Variants in FRAS1 observed in about 807,000 individuals in gnomAD.
FRAS1 encodes Fraser extracellular matrix complex subunit 1.
In FRAS1, 290 loss-of-function variants were observed where a neutral mutation model predicts 435.2. That is an observed-to-expected ratio of 0.67 (90% CI 0.61 to 0.73). The LOEUF is 0.73. FRAS1 is among the 30% of genes least tolerant of loss of function. The probability of loss-of-function intolerance (pLI) is 0.00; values close to 1 mark genes in which losing one functional copy is unlikely to be tolerated. For missense variants in FRAS1, 4,860 were observed against 5,001.5 expected (o/e 0.97, Z 0.85); for synonymous variants, 1,800 against 1,851.0 (o/e 0.97, Z 0.71).
At chr4:78,143,789 A>C (rs1234603461) in intron 2 of FRAS1, among the ~76,000 whole-genome samples, 2 of 151,490 alleles carry the variant, frequency 1.3e-5, no homozygotes, top group East Asian at 3.9e-4. Context: ...CTGTGGTCCC[A>C]GCTACTTGGG....
chr4:78,289,707 C>T (rs1413230116), intron 14 of FRAS1, among the ~76,000 whole-genome samples: 5 of 152,160 alleles, frequency 3.3e-5, no homozygotes, highest in Non-Finnish European at 5.9e-5. Context: ...TGGCCTTGTA[C>T]TTTGGTTCCT....
Position 78,386,552 on chromosome 4 carries a change from G to A in FRAS1, c.3649-823G>A, listed in dbSNP as rs1256680424. ...GGTGCTTGGGTAGTTTTAAAAGAAA[G>A]CCATTTGGATTAAAGAAAGCAGTGT... On this transcript the variant is annotated intron_variant, in intron 28 of 73. Transcript: ENST00000512123. 3.9e-5 allele frequency among the ~76,000 whole-genome samples: 6 copies of A among 152,282 alleles called. No homozygotes were observed. The East Asian group carries it at 1.2e-3, about 29-fold the overall frequency.
intron 47 of FRAS1, among the ~76,000 whole-genome samples, chr4:78,458,582 A>T (rs1326480294): frequency 6.6e-6 from 1 of 152,080 alleles, no homozygotes; most frequent in Non-Finnish European, 1.5e-5. Context: ...AGGCTGAAAA[A>T]CTTACTATTG....
intron 2 of FRAS1, among the ~76,000 whole-genome samples, chr4:78,127,634 T>TACAA (rs143852196): frequency 1.5e-3 from 225 of 151,548 alleles, no homozygotes; most frequent in Middle Eastern, 3.4e-3. Flanking sequence ...TGATACCATT[T>TACAA]ACAAACAAAC....
rs371878129 is a variant in FRAS1 at position 78,451,756 on chromosome 4, T to G, written c.6464-16T>G. ...AAGCACTAATAGCAAATCTTGATTT[T>G]TTTTCCTTTTTATAGGCCACGTAGA... On this transcript the variant is annotated splice_polypyrimidine_tract_variant and intron_variant, in intron 45 of 73. Transcript: ENST00000512123. 7 of 1,575,228 alleles carry G rather than the reference T, an allele frequency of 4.4e-6. No homozygotes were observed. In the African/African-American group the frequency reaches 8.2e-5, roughly 19 times the overall value.
rs1720258141 is a variant in FRAS1 at position 78,488,975 on chromosome 4, A to C, written c.8853A>C (p.Ser2951=). Residue 2951 remains serine (S), a synonymous_variant, in exon 59 of 74, where the codon TCA becomes TCC. Transcript: ENST00000512123. The part of the protein sequence containing the change: ...ITRSGDLSYE[S]SVRCYTQSHS... Reference sequence around the variant, plus strand: ...GGAGCGGAGACCTGAGCTATGAGTCATCAGTGAGGTGCTATACTCAGAGCC... The same window carrying C: ...GGAGCGGAGACCTGAGCTATGAGTCCTCAGTGAGGTGCTATACTCAGAGCC... 1 of 1,613,758 alleles carries C rather than the reference A, an allele frequency of 6.2e-7. No individual in the cohort carries two copies. Among genetic ancestry groups the C allele is most frequent in the African/African-American group, 1.3e-5 (1 of 75,038 alleles).
chr4:78,136,773 G>C (rs953566851), intron 2 of FRAS1, among the ~76,000 whole-genome samples: 1 of 152,166 alleles, frequency 6.6e-6, no homozygotes, highest in Non-Finnish European at 1.5e-5. Context: ...GTTCCCACAG[G>C]ACTTCTTAGA....
In FRAS1 at chr4:78,414,111, A is replaced by G. The variant is rs577683246; in HGVS notation, c.4425+1026A>G. ...CAGAGACATAAAGGGGAAAATAGAA[A>G]GTTTTTAATGAATAGCTGGTATCGG... On this transcript the variant is annotated intron_variant, in intron 32 of 73. Transcript: ENST00000512123. Among the ~76,000 whole-genome samples, 15 of 152,350 alleles carry G rather than the reference A, an allele frequency of 9.8e-5. No individual in the cohort carries two copies. The East Asian group carries it at 2.3e-3, about 24-fold the overall frequency.
chr4:78,530,777 C>A (rs868100277), intron 70 of FRAS1, among the ~76,000 whole-genome samples: 9 of 152,246 alleles, frequency 5.9e-5, no homozygotes, highest in Middle Eastern at 3.4e-3. Context: ...TAGCATGATG[C>A]CTTCAGCTTT....
At chr4:78,113,778 T>G (rs1742919983) in intron 2 of FRAS1, among the ~76,000 whole-genome samples, 1 of 152,236 alleles carries the variant, frequency 6.6e-6, no homozygotes, top group Non-Finnish European at 1.5e-5. Flanking sequence ...TTCTGTAGGT[T>G]GCCTGGTCTC....
intron 55 of FRAS1, among the ~76,000 whole-genome samples, chr4:78,478,535 C>CT (rs1385209304): frequency 1.6e-4 from 25 of 151,994 alleles, no homozygotes; most frequent in Middle Eastern, 3.2e-3. Context: ...AAGGGCAATT[C>CT]TTTTTTTGTT....
At chr4:78,514,209 G>A (rs919862990) in intron 65 of FRAS1, among the ~76,000 whole-genome samples, 1 of 152,242 alleles carries the variant, frequency 6.6e-6, no homozygotes, top group Non-Finnish European at 1.5e-5. Flanking sequence ...ACCTAGCTAA[G>A]TCACTGGATG....
chr4:78,337,922 A>T, intron 20 of FRAS1, 105 bp downstream of exon 20: 1 of 1,077,248 alleles, frequency 9.3e-7, no homozygotes, highest in Non-Finnish European at 1.4e-6. Context: ...GAGCTCTTTT[A>T]TAGGAGACAT....
intron 22 of FRAS1, among the ~76,000 whole-genome samples, chr4:78,365,462 G>A (rs1158318941): frequency 6.6e-6 from 1 of 152,058 alleles, no homozygotes; most frequent in Non-Finnish European, 1.5e-5. Flanking sequence ...CACAGCAGTG[G>A]AATCACAGAA....
At chr4:78,255,170 A>C (rs1268164998) in intron 5 of FRAS1, 72 bp from the exon 6 acceptor site, 1 of 1,477,430 alleles carries the variant, frequency 6.8e-7, no homozygotes, top group Non-Finnish European at 9.2e-7. Flanking sequence ...CACTGGCTGC[A>C]CGCCCATGCA....
At chr4:78,501,595 G>A (rs60028211) in intron 61 of FRAS1, among the ~76,000 whole-genome samples, 49,846 of 151,796 alleles carry the variant, frequency 0.33, 8,870 homozygotes, top group South Asian at 0.52. Flanking sequence ...GCATAAAAGC[G>A]GTCCTATTTC....
intron 15 of FRAS1, among the ~76,000 whole-genome samples, chr4:78,311,642 G>A (rs1382471911): frequency 6.6e-6 from 1 of 152,214 alleles, no homozygotes; most frequent in Non-Finnish European, 1.5e-5. Context: ...ACCAAGTAGT[G>A]CCGGGTTACT....
At chr4:78,169,127 A>G (rs971765568) in intron 2 of FRAS1, among the ~76,000 whole-genome samples, 3 of 152,082 alleles carry the variant, frequency 2.0e-5, no homozygotes, top group African/African-American at 7.2e-5. Context: ...CCTTGAGTAC[A>G]ATTGACTTGA....
chr4:78,140,372 G>T (rs1321352838), intron 2 of FRAS1, among the ~76,000 whole-genome samples: 1 of 152,036 alleles, frequency 6.6e-6, no homozygotes, highest in African/African-American at 2.4e-5. Flanking sequence ...TCTTTCTGAA[G>T]TTGCACTTTT....
Sources: gnomAD v4.1 joint callset for allele counts (sites outside exome capture counted in the v4.1 genomes callset) on GRCh38, gnomAD v4.1.1 for gene constraint, MANE v1.5 for transcripts, NCBI Gene and HGNC (gene_info 2026-07-23, HGNC 2026-07-21) for gene names.